Variants in GLT1D1 observed in about 807,000 individuals in gnomAD.
GLT1D1 encodes glycosyltransferase 1 domain containing 1.
GLT1D1 carries 21 observed loss-of-function variants against 28.7 expected under a neutral mutation model. That is an observed-to-expected ratio of 0.73 (90% CI 0.52 to 1.05). The LOEUF (loss-of-function observed/expected upper bound fraction) is 1.05, where lower values mean the gene tolerates loss of function less well. Among genes scored for constraint, GLT1D1 ranks in the 50% least tolerant of loss-of-function variants. GLT1D1 has a pLI of 0.00. For missense variants in GLT1D1, 343 were observed against 330.6 expected, an observed-to-expected ratio of 1.04 and a Z score of -0.29; for synonymous variants, 147 against 124.8, an observed-to-expected ratio of 1.18 and a Z score of -1.19.
intron 1 of GLT1D1, among the ~76,000 whole-genome samples, chr12:128,868,196 G>A (rs570962619): frequency 2.0e-5 from 3 of 152,262 alleles, no homozygotes; most frequent in African/African-American, 4.8e-5. Context: ...GAATCTTCTC[G>A]CCAGCCCCTC....
chr12:128,882,424 C>T (rs997596273), intron 2 of GLT1D1, among the ~76,000 whole-genome samples: 2 of 151,614 alleles, frequency 1.3e-5, no homozygotes, highest in African/African-American at 4.8e-5. Flanking sequence ...TTATAGGCGC[C>T]CACCACCATG....
intron 1 of GLT1D1, among the ~76,000 whole-genome samples, chr12:128,858,354 T>C (rs1956275405): frequency 6.6e-6 from 1 of 152,148 alleles, no homozygotes; most frequent in Non-Finnish European, 1.5e-5. Flanking sequence ...AGAGCCATCC[T>C]TTGTGGGAGG....
At chr12:128,971,532 TTCTC>T (rs1317590462) in intron 7 of GLT1D1, among the ~76,000 whole-genome samples, 5 of 115,042 alleles carry the variant, frequency 4.3e-5, no homozygotes, top group African/African-American at 1.0e-4. Flanking sequence ...TTCTGTCCCT[TTCTC>T]TCTCCTTCTC....
chr12:128,965,347 C>T (rs955793800), intron 7 of GLT1D1, among the ~76,000 whole-genome samples: 1 of 152,172 alleles, frequency 6.6e-6, no homozygotes, highest in Non-Finnish European at 1.5e-5. Context: ...GGCCCTACAA[C>T]CACAGAAACT....
At chr12:128,931,053 G>A (rs1045788155) in intron 4 of GLT1D1, among the ~76,000 whole-genome samples, 5 of 151,198 alleles carry the variant, frequency 3.3e-5, no homozygotes, top group Admixed American at 2.6e-4. Context: ...CCAGGCTGGA[G>A]CGCAATGGCG....
intron 6 of GLT1D1, among the ~76,000 whole-genome samples, chr12:128,954,575 G>A (rs559335289): frequency 6.6e-6 from 1 of 152,250 alleles, no homozygotes; most frequent in South Asian, 2.1e-4. Flanking sequence ...TACTGAGTCA[G>A]GTAGGAAGCC....
chr12:128,957,844 T>G (rs1046770845), intron 7 of GLT1D1, among the ~76,000 whole-genome samples: 1 of 152,094 alleles, frequency 6.6e-6, no homozygotes, highest in African/African-American at 2.4e-5. Flanking sequence ...GAGCATTGAG[T>G]TCCATTCCTG....
chr12:128,915,310 T>C (rs952053366), intron 4 of GLT1D1, among the ~76,000 whole-genome samples: 1 of 152,152 alleles, frequency 6.6e-6, no homozygotes, highest in African/African-American at 2.4e-5. Context: ...TTACTAATTA[T>C]ACACGTAGTT....
At position 128,940,349 on chromosome 12, in the gene GLT1D1, C is replaced by A. The variant is rs112478276; in HGVS notation, c.376-4977C>A. Among the ~76,000 whole-genome samples, 581 of 152,260 alleles carry A rather than the reference C, an allele frequency of 3.8e-3. 6 individuals carry two copies. The highest frequency in any genetic ancestry group is 0.013 in the African/African-American group (538 of 41,538). On this transcript the variant is annotated intron_variant, in intron 4 of 7. Coordinates refer to ENST00000281703, the MANE Select transcript of GLT1D1 (RefSeq NM_144669.3). ...GGGTCAGGCTGAATGTGAATACAGG[C>A]TCAGCGCTTCATGTCTTCTCAGTCA...
At chr12:128,971,460 C>G (rs1359604831) in intron 7 of GLT1D1, among the ~76,000 whole-genome samples, 2 of 112,186 alleles carry the variant, frequency 1.8e-5, no homozygotes, top group Non-Finnish European at 3.8e-5. Flanking sequence ...CTCCCTCCAT[C>G]CCTCCCTCTG....
At chr12:128,932,548 T>C (rs189274778) in intron 4 of GLT1D1, among the ~76,000 whole-genome samples, 13 of 152,334 alleles carry the variant, frequency 8.5e-5, no homozygotes, top group African/African-American at 2.9e-4. Context: ...CGAGGCACTT[T>C]GCTGTCTATA....
At chr12:128,954,202 C>T (rs1289096187) in intron 6 of GLT1D1, among the ~76,000 whole-genome samples, 1 of 151,710 alleles carries the variant, frequency 6.6e-6, no homozygotes, top group African/African-American at 2.4e-5. Context: ...CGGCTCACTG[C>T]AAGCTCCACC....
At chr12:128,965,632 A>G (rs470948) in intron 7 of GLT1D1, among the ~76,000 whole-genome samples, 8,462 of 149,544 alleles carry the variant, frequency 0.057, 781 homozygotes, top group African/African-American at 0.19. Flanking sequence ...AGCACTTTGG[A>G]AGGCTAAGGC....
At chr12:128,974,349 T>G (rs1879557031) in intron 7 of GLT1D1, among the ~76,000 whole-genome samples, 1 of 152,126 alleles carries the variant, frequency 6.6e-6, no homozygotes, top group South Asian at 2.1e-4. Context: ...GCAATGCCTT[T>G]GAGCCACACT....
chr12:128,969,448 G>A (rs1298075914), intron 7 of GLT1D1, among the ~76,000 whole-genome samples: 2 of 151,028 alleles, frequency 1.3e-5, no homozygotes, highest in Admixed American at 6.6e-5. Context: ...AGCCAGAGGT[G>A]GGAAGAGAAG....
At chr12:128,908,735 G>C (rs918546831) in intron 4 of GLT1D1, among the ~76,000 whole-genome samples, 1 of 151,858 alleles carries the variant, frequency 6.6e-6, no homozygotes, top group Non-Finnish European at 1.5e-5. Context: ...GGATCACGAG[G>C]TCAGGAGATC....
intron 7 of GLT1D1, among the ~76,000 whole-genome samples, chr12:128,964,946 G>A (rs1289138337): frequency 6.6e-6 from 1 of 152,202 alleles, no homozygotes; most frequent in Admixed American, 6.5e-5. Context: ...GTAGTGCAGT[G>A]TGAAAGGTGT....
intron 4 of GLT1D1, 78 bp downstream of exon 7, chr12:128,926,532 G>A (rs895788854): frequency 4.1e-6 from 3 of 736,936 alleles, no homozygotes; most frequent in Non-Finnish European, 6.9e-6. Context: ...TCTCTTCAGG[G>A]CCCTGAGTTT....
At chr12:128,959,416 G>GGGT (rs879572940) in intron 7 of GLT1D1, among the ~76,000 whole-genome samples, 41,644 of 89,222 alleles carry the variant, frequency 0.47, 11,834 homozygotes, top group East Asian at 0.75. Context: ...GGCAGTGGGG[G>GGGT]GGGACGGGTG....
Sources: allele counts gnomAD v4.1 joint callset (sites outside exome capture counted in the v4.1 genomes callset), GRCh38; gene constraint gnomAD v4.1.1; transcripts MANE v1.5; gene names NCBI Gene and HGNC (gene_info 2026-07-23, HGNC 2026-07-21).